MYO3A: variants seen among roughly 807,000 people sequenced by gnomAD.
MYO3A encodes the protein myosin IIIA.
In MYO3A, 180 loss-of-function variants were observed where a neutral mutation model predicts 192.7. The ratio of observed to expected loss-of-function variants is 0.93; its 90% CI spans 0.83 to 1.06. The LOEUF (loss-of-function observed/expected upper bound fraction) is 1.06. Among genes scored for constraint, MYO3A ranks in the 50% least tolerant of loss-of-function variants. The pLI, the probability that MYO3A is intolerant of heterozygous loss-of-function variation, is 0.00. For synonymous variants in MYO3A, 628 were observed against 645.3 expected, an observed-to-expected ratio of 0.97 and a Z score of 0.41; for missense variants, 1,896 against 1,905.0, an observed-to-expected ratio of 1.00 and a Z score of 0.09.
intron 4 of MYO3A, among the ~76,000 whole-genome samples, chr10:25,975,501 C>A (rs980102771): frequency 2.6e-5 from 4 of 151,688 alleles, no homozygotes; most frequent in Non-Finnish European, 5.9e-5. Context: ...ATGGCTGGGA[C>A]TGTTTTTAAG....
At chr10:25,984,390 G>A (rs918516942) in intron 4 of MYO3A, among the ~76,000 whole-genome samples, 7 of 152,140 alleles carry the variant, frequency 4.6e-5, no homozygotes, top group Non-Finnish European at 7.4e-5. Context: ...ATAAGAACTC[G>A]CAAAAACTTA....
chr10:26,063,502 C>T (rs1217854583), intron 10 of MYO3A, among the ~76,000 whole-genome samples: 1 of 152,132 alleles, frequency 6.6e-6, no homozygotes, highest in Non-Finnish European at 1.5e-5. Context: ...TGTCTTGAGT[C>T]ACTTTTTTTT....
intron 14 of MYO3A, among the ~76,000 whole-genome samples, chr10:26,084,796 A>G (rs1836202492): frequency 6.6e-6 from 1 of 152,210 alleles, no homozygotes; most frequent in South Asian, 2.1e-4. Context: ...TAGCCACACT[A>G]TGCCTGGCCT....
intron 14 of MYO3A, among the ~76,000 whole-genome samples, chr10:26,080,623 A>G (rs1588917592): frequency 2.1e-5 from 3 of 143,408 alleles, no homozygotes; most frequent in Non-Finnish European, 1.5e-5. Context: ...GGTGTTGAAG[A>G]GCCTTGTTTT....
chr10:26,016,876 C>G lies in MYO3A; in HGVS notation c.565C>G (p.Pro189Ala), dbSNP rs1842013792. 6.2e-7 allele frequency: 1 copy of G among 1,614,166 alleles called. No individual in the cohort carries two copies. The highest frequency in any genetic ancestry group is 8.5e-7 in the Non-Finnish European group (1 of 1,180,006). The change falls in exon 7 of 35, where the codon CCG becomes GCG. Residue 189 changes from proline to alanine, a missense_variant. Coordinates refer to ENST00000642920, the MANE Select transcript of MYO3A (RefSeq NM_017433.5). ...CCGTCGGAACACATCCGTAGGAACA[C>G]CGTTTTGGATGGCTCCTGAGGTCAG... ...RHRRNTSVGT[P>A]FWMAPEVIAC...
At chr10:26,133,547 A>G (rs920650662) in intron 20 of MYO3A, among the ~76,000 whole-genome samples, 2 of 152,054 alleles carry the variant, frequency 1.3e-5, no homozygotes, top group Admixed American at 6.6e-5. Context: ...TGATGTGGGG[A>G]TTTGTGGTAC....
chr10:25,967,979 T>C (rs1454170319), intron 4 of MYO3A, among the ~76,000 whole-genome samples: 2 of 152,156 alleles, frequency 1.3e-5, no homozygotes, highest in African/African-American at 2.4e-5. Context: ...CTATGTGTCA[T>C]TGCAGCCTGA....
chr10:26,135,428 G>A (rs1057122268), intron 20 of MYO3A, among the ~76,000 whole-genome samples: 1 of 151,952 alleles, frequency 6.6e-6, no homozygotes, highest in Non-Finnish European at 1.5e-5. Flanking sequence ...AGAAGCATAA[G>A]TCAGTCTTAA....
At chr10:26,192,054 A>G (rs1259614960) in intron 31 of MYO3A, among the ~76,000 whole-genome samples, 1 of 152,204 alleles carries the variant, frequency 6.6e-6, no homozygotes, top group African/African-American at 2.4e-5. Flanking sequence ...ATTCTTGCGC[A>G]AACAGAGTCG....
intron 10 of MYO3A, among the ~76,000 whole-genome samples, chr10:26,027,357 T>G (rs920370598): frequency 6.6e-6 from 1 of 152,166 alleles, no homozygotes; most frequent in African/African-American, 2.4e-5. Flanking sequence ...CTTTTTTGTT[T>G]TTTTTGAGAC....
intron 4 of MYO3A, among the ~76,000 whole-genome samples, chr10:25,995,010 G>T (rs12263784): frequency 6.6e-6 from 1 of 152,114 alleles, no homozygotes; most frequent in East Asian, 1.9e-4. Context: ...TTCTCGAGGA[G>T]TATCTTTGTG....
intron 2 of MYO3A, among the ~76,000 whole-genome samples, chr10:25,950,862 G>T (rs1343045813): frequency 6.6e-6 from 1 of 152,104 alleles, no homozygotes; most frequent in East Asian, 1.9e-4. Flanking sequence ...AATTTATATT[G>T]AAAAGAGTGT....
chr10:26,196,888 T>C (rs907532033), intron 32 of MYO3A, among the ~76,000 whole-genome samples: 2 of 152,214 alleles, frequency 1.3e-5, no homozygotes, highest in African/African-American at 4.8e-5. Flanking sequence ...AATGATCAAA[T>C]CAGGATAACT....
At chr10:26,207,844 A>G (rs1844044393) in intron 34 of MYO3A, among the ~76,000 whole-genome samples, 1 of 152,170 alleles carries the variant, frequency 6.6e-6, no homozygotes. Context: ...ATTCCATTGA[A>G]TCTGTAGATT....
At chr10:25,994,724 G>A (rs1204702719) in intron 4 of MYO3A, among the ~76,000 whole-genome samples, 2 of 152,114 alleles carry the variant, frequency 1.3e-5, no homozygotes, top group Admixed American at 6.5e-5. Context: ...AAATCTCTCG[G>A]CATTTGCTTG....
At chr10:25,992,888 T>C (rs1840147266) in intron 4 of MYO3A, among the ~76,000 whole-genome samples, 1 of 152,256 alleles carries the variant, frequency 6.6e-6, no homozygotes, top group Admixed American at 6.5e-5. Context: ...AGCTTTTTGA[T>C]GTGCTGCTGG....
chr10:26,203,076 C>G lies in MYO3A; in HGVS notation c.4699C>G (p.Leu1567Val). 3.7e-6 allele frequency: 6 copies of G among 1,613,760 alleles called. No homozygotes were observed. Among genetic ancestry groups the G allele is most frequent in the Non-Finnish European group, 4.2e-6 (5 of 1,179,790 alleles). Residue 1567 changes from leucine to valine, a missense_variant, in exon 34 of 35, where the codon CTC becomes GTC. Physicochemically the swap from Leu to Val is conservative, Grantham distance 32 (BLOSUM62 1). Coordinates refer to ENST00000642920, the MANE Select transcript of MYO3A (RefSeq NM_017433.5). ...AAGAGAACGAAGACCACAGCAAGAA[C>G]TCCAGAATCAATGTATTAAGGCTAA... ...SLRERRPQQELQNQCIKANER... is the reference protein window; with the variant it reads ...SLRERRPQQEVQNQCIKANER...
chr10:26,023,984 CA>C, intron 8 of MYO3A, 37 bp from the exon 9 acceptor site: 1 of 1,564,810 alleles, frequency 6.4e-7, no homozygotes, highest in Non-Finnish European at 8.8e-7. Flanking sequence ...ACTGACTGAC[CA>C]ATATACAGAA....
intron 31 of MYO3A, among the ~76,000 whole-genome samples, chr10:26,185,576 G>A (rs1220698624): frequency 1.3e-5 from 2 of 151,898 alleles, no homozygotes; most frequent in African/African-American, 2.4e-5. Context: ...CTGGCCTCAA[G>A]TAATACACCC....
Sources: allele counts gnomAD v4.1 joint callset (sites outside exome capture counted in the v4.1 genomes callset), GRCh38; gene constraint gnomAD v4.1.1; transcripts MANE v1.5; gene names NCBI Gene and HGNC (gene_info 2026-07-23, HGNC 2026-07-21).